Variants in EIF2AK3 observed in about 807,000 individuals in gnomAD.
EIF2AK3 encodes the protein eukaryotic translation initiation factor 2 alpha kinase 3.
A neutral mutation model predicts 113.5 loss-of-function variants in EIF2AK3; 50 were observed. The ratio of observed to expected loss-of-function variants is 0.44; its 90% confidence interval spans 0.35 to 0.56. The LOEUF (loss-of-function observed/expected upper bound fraction) is 0.56, where lower values mean the gene tolerates loss of function less well. EIF2AK3 is among the 20% of genes least tolerant of loss of function. The pLI is 0.00. For synonymous variants in EIF2AK3, 448 were observed against 495.4 expected (o/e 0.90, Z 1.27); for missense variants, 1,185 against 1,378.0 (o/e 0.86, Z 2.22).
chr2:88,608,155 C>T (rs554787679), intron 2 of EIF2AK3, among the ~76,000 whole-genome samples: 11 of 152,250 alleles, frequency 7.2e-5, no homozygotes, highest in African/African-American at 2.4e-4. Context: ...CTATCAAATC[C>T]TTTATCCTTC....
intron 1 of EIF2AK3, among the ~76,000 whole-genome samples, chr2:88,625,838 T>TAC (rs1404617175): frequency 6.6e-6 from 1 of 151,932 alleles, no homozygotes; most frequent in Non-Finnish European, 1.5e-5. Context: ...AACTTTGTTT[T>TAC]ATATATATAT....
chr2:88,574,838 A>G lies in EIF2AK3; in HGVS notation c.2645T>C (p.Val882Ala). The G allele has an allele frequency of 6.2e-7, 1 of 1,614,148 alleles. No homozygotes were observed. Among genetic ancestry groups the G allele is most frequent in the Non-Finnish European group, 8.5e-7 (1 of 1,180,012 alleles). Reference protein sequence around the residue: ...TEKLQPSSPKVYLYIQMQLCR... With the variant: ...TEKLQPSSPKAYLYIQMQLCR... ...CAGCTGCATTTGAATGTAAAGATAC[A>G]CCTTTGGTGAACTGGGCTGGAGTTT... The change falls in exon 13 of 17, where the codon GTG (valine) becomes GCG (alanine). Residue 882 changes from valine to alanine, a missense_variant. Coordinates refer to ENST00000303236, the MANE Select transcript of EIF2AK3 (RefSeq NM_004836.7).
chr2:88,593,971 T>A, intron 3 of EIF2AK3: 5 of 990,636 alleles, frequency 5.0e-6, no homozygotes, highest in Non-Finnish European at 6.0e-6. Flanking sequence ...GGTGATCGGG[T>A]TCAATCCTGT....
At position 88,557,726 on chromosome 2, in the gene EIF2AK3, C is replaced by T; in HGVS notation, c.*10G>A. The T allele has an allele frequency of 6.2e-7, 1 of 1,614,018 alleles. No individual in the cohort carries two copies. Among genetic ancestry groups the T allele is most frequent in the Non-Finnish European group, 8.5e-7 (1 of 1,179,858 alleles). On this transcript the variant is annotated 3_prime_UTR_variant, in exon 17 of 17. Transcript: ENST00000303236. ...GCATCACCTATTAGGGTTGCTAGCA[C>T]AACTTAAGGCTAATTGCTTGGCAAA...
At position 88,627,220 on chromosome 2, in the gene EIF2AK3, GCA is replaced by G; in HGVS notation, c.53_54del (p.Leu18ProfsTer58). The G allele has an allele frequency of 7.0e-7, 1 of 1,430,756 alleles. No homozygotes were observed. The highest frequency in any genetic ancestry group is 1.3e-5 in the South Asian group (1 of 76,252). The allele number at this position is 1,430,756 out of a possible 1,614,324, so 88.6% of individuals were successfully genotyped here. A position where few individuals can be genotyped will look rare whatever the true frequency, so the allele number is the denominator to read the frequency against. On this transcript the variant is annotated frameshift_variant, in exon 1 of 17. Coordinates refer to ENST00000303236, the MANE Select transcript of EIF2AK3 (RefSeq NM_004836.7). LOFTEE classifies it high-confidence loss of function. ...GTCCTTGCCGCGAGCCCCAGCAGCA[GCA>G]GCAGCAGCAGCAGCGCCCGTACCAG... is the stretch of plus-strand genomic sequence containing the variant. ...GLLVRALLLL[L>X]LLLGLAARTV...
At chr2:88,626,688 C>T (rs1675867681) in intron 1 of EIF2AK3, among the ~76,000 whole-genome samples, 2 of 152,248 alleles carry the variant, frequency 1.3e-5, no homozygotes. Context: ...GGGGAAGTGG[C>T]GTTTCTTTGC....
At chr2:88,612,058 A>C (rs969609237) in intron 2 of EIF2AK3, among the ~76,000 whole-genome samples, 2 of 152,240 alleles carry the variant, frequency 1.3e-5, no homozygotes, top group African/African-American at 4.8e-5. Context: ...GACAGTAAGA[A>C]TGTTGAACTG....
intron 15 of EIF2AK3, 121 bp downstream of exon 15, chr2:88,562,167 CT>C (rs1673983466): frequency 2.6e-6 from 2 of 764,824 alleles, no homozygotes; most frequent in Admixed American, 2.2e-5. Flanking sequence ...CACATCACCT[CT>C]TTCACTTTTA....
At chr2:88,558,788 C>CAGGT (rs1325270751) in intron 16 of EIF2AK3, 129 bp downstream of exon 16, 10 of 701,026 alleles carry the variant, frequency 1.4e-5, no homozygotes, top group Non-Finnish European at 2.4e-5. Flanking sequence ...CTCTTGGGAG[C>CAGGT]AGGTCTCTTT....
At chr2:88,619,324 A>G (rs1675662405) in intron 1 of EIF2AK3, among the ~76,000 whole-genome samples, 1 of 152,112 alleles carries the variant, frequency 6.6e-6, no homozygotes, top group Admixed American at 6.5e-5. Flanking sequence ...CTATCTATAG[A>G]GCAGGCATTT....
intron 11 of EIF2AK3, 112 bp from the exon 12 acceptor site, chr2:88,576,815 A>G: frequency 8.5e-7 from 1 of 1,181,850 alleles, no homozygotes. Context: ...TATACCAATA[A>G]AAAAGGAAAA....
chr2:88,625,179 T>C (rs1190971072), intron 1 of EIF2AK3, among the ~76,000 whole-genome samples: 2 of 152,166 alleles, frequency 1.3e-5, no homozygotes, highest in African/African-American at 4.8e-5. Context: ...ATGATGCTAT[T>C]AGCATCAGAC....
At chr2:88,580,682 T>C (rs1674576890) in intron 10 of EIF2AK3, among the ~76,000 whole-genome samples, 2 of 152,210 alleles carry the variant, frequency 1.3e-5, no homozygotes, top group Non-Finnish European at 2.9e-5. Flanking sequence ...AGATGATGTC[T>C]GATATCCCTT....
intron 1 of EIF2AK3, among the ~76,000 whole-genome samples, chr2:88,614,594 C>G (rs1290933276): frequency 1.3e-5 from 2 of 152,156 alleles, no homozygotes; most frequent in African/African-American, 2.4e-5. Context: ...ACCCCCTAAC[C>G]ACCAACCCCT....
At chr2:88,587,154 G>A (rs6730727) in intron 8 of EIF2AK3, among the ~76,000 whole-genome samples, 5,143 of 131,620 alleles carry the variant, frequency 0.039, 304 homozygotes, top group African/African-American at 0.14. Context: ...GTAGTGAGCC[G>A]AGATTGTGCC....
intron 1 of EIF2AK3, among the ~76,000 whole-genome samples, chr2:88,622,234 T>C (rs752988354): frequency 6.6e-6 from 1 of 152,200 alleles, no homozygotes; most frequent in South Asian, 2.1e-4. Flanking sequence ...CATTTACAAA[T>C]AGAATGGAAT....
rs756618692 is a variant in EIF2AK3, at chr2:88,627,240, C to G, written c.35G>C (p.Arg12Pro). Residue 12 changes from arginine (R) to proline (P), a missense_variant, in exon 1 of 17, where the codon CGG (arginine) becomes CCG (proline). Coordinates refer to ENST00000303236, the MANE Select transcript of EIF2AK3 (RefSeq NM_004836.7). Reference sequence around the variant, plus strand: ...CAGCAGCAGCAGCAGCAGCAGCGCCCGTACCAGCAGCCCCGGGCTGATGGC... The same window carrying G: ...CAGCAGCAGCAGCAGCAGCAGCGCCGGTACCAGCAGCCCCGGGCTGATGGC... ...ERAISPGLLVRALLLLLLLLG... is the reference protein window; with the variant it reads ...ERAISPGLLVPALLLLLLLLG... 4.3e-5 allele frequency: 63 copies of G among 1,482,328 alleles called. No homozygotes were observed. In the East Asian group the frequency reaches 1.3e-3, roughly 31 times the overall value. 91.8% of individuals were successfully genotyped at this position (1,482,328 alleles called of 1,614,324 possible).
At chr2:88,566,465 A>G (rs1414836036) in intron 14 of EIF2AK3, among the ~76,000 whole-genome samples, 3 of 152,048 alleles carry the variant, frequency 2.0e-5, no homozygotes, top group Admixed American at 6.5e-5. Flanking sequence ...TTTTCTTAAT[A>G]CTTTGTATGA....
At chr2:88,597,014 T>C (rs1295448652) in intron 2 of EIF2AK3, among the ~76,000 whole-genome samples, 1 of 152,226 alleles carries the variant, frequency 6.6e-6, no homozygotes, top group Non-Finnish European at 1.5e-5. Context: ...CTCAAAACTT[T>C]AGGAAACAGG....
Sources: allele counts gnomAD v4.1 joint callset (sites outside exome capture counted in the v4.1 genomes callset), GRCh38; gene constraint gnomAD v4.1.1; transcripts MANE v1.5; gene names NCBI Gene and HGNC (gene_info 2026-07-23, HGNC 2026-07-21).